CHRNA7: variants seen among roughly 807,000 people sequenced by gnomAD.
CHRNA7 encodes the protein neuronal acetylcholine receptor subunit alpha-7.
In CHRNA7, 17 loss-of-function variants were observed where a neutral mutation model predicts 48.0. The observed-to-expected ratio is 0.35, with a 90% confidence interval of 0.24 to 0.53. The LOEUF (loss-of-function observed/expected upper bound fraction) is 0.53. CHRNA7 is among the 20% of genes least tolerant of loss of function. CHRNA7 has a pLI of 0.92. For missense variants in CHRNA7, 155 were observed against 577.7 expected, an observed-to-expected ratio of 0.27 and a Z score of 7.50; for synonymous variants, 75 against 242.3, an observed-to-expected ratio of 0.31 and a Z score of 6.41.
chr15:32,080,032 C>A (rs1214831033), intron 2 of CHRNA7, among the ~76,000 whole-genome samples: 1 of 152,078 alleles, frequency 6.6e-6, no homozygotes, highest in African/African-American at 2.4e-5. Flanking sequence ...ACATACCTGA[C>A]AAAAACAAGC....
At position 32,066,336 on chromosome 15, in the gene CHRNA7, C is replaced by T. The variant is rs1036977723; in HGVS notation, c.196-34967C>T. On this transcript the variant is annotated intron_variant, in intron 2 of 9. Transcript: ENST00000306901. ...TCACTCTGTCGCCCAGGCTGGAGTG[C>T]GGTGGCGCGATGTCCACTCACTGCA... Among the ~76,000 whole-genome samples the T allele has an allele frequency of 9.3e-5, 14 of 150,650 alleles. No individual in the cohort carries two copies. In the East Asian group the frequency reaches 1.4e-3, roughly 15 times the overall value.
rs570180270 is a variant in CHRNA7, at chr15:32,112,035, G to A, written c.350+136G>A. ...GCCACTGCTCCCTACACGGCTTTCCGAGCGGCCAGGCCTTTGAGAAGCAGC... is the reference window on the plus strand; with the variant it reads ...GCCACTGCTCCCTACACGGCTTTCCAAGCGGCCAGGCCTTTGAGAAGCAGC... On this transcript the variant is annotated intron_variant, in intron 4 of 9. Transcript: ENST00000306901. The A allele has an allele frequency of 2.6e-4, 179 of 677,230 alleles. No homozygotes were observed. In the African/African-American group the frequency reaches 2.9e-3, roughly 11 times the overall value. 42.0% of individuals were successfully genotyped at this position (677,230 alleles called of 1,614,324 possible).
rs552331657 is a variant in CHRNA7 at position 32,059,513 on chromosome 15, T to G, written c.195+28476T>G. Among the ~76,000 whole-genome samples the G allele has an allele frequency of 3.3e-5, 5 of 152,238 alleles. No homozygotes were observed. The South Asian group carries it at 1.0e-3, about 32-fold the overall frequency. The stretch of plus-strand genomic sequence containing the variant: ...GTGATCCTTAATCATTTCTTCTATT[T>G]CCTGGCAGAAAATAAAATAAGGTGT... On this transcript the variant is annotated intron_variant, in intron 2 of 9. Coordinates refer to ENST00000306901, the MANE Select transcript of CHRNA7 (RefSeq NM_000746.6).
At chr15:32,096,913 C>T (rs1451773700) in intron 2 of CHRNA7, among the ~76,000 whole-genome samples, 2 of 152,192 alleles carry the variant, frequency 1.3e-5, no homozygotes, top group Non-Finnish European at 2.9e-5. Flanking sequence ...CTTGCCACAC[C>T]GGCCTTCTGG....
At chr15:32,072,534 A>G (rs1384178366) in intron 2 of CHRNA7, among the ~76,000 whole-genome samples, 1 of 152,246 alleles carries the variant, frequency 6.6e-6, no homozygotes, top group African/African-American at 2.4e-5. Flanking sequence ...ACTAATAGCC[A>G]AGACAATGGG....
intron 2 of CHRNA7, among the ~76,000 whole-genome samples, chr15:32,080,046 G>A (rs1235613885): frequency 6.6e-6 from 1 of 152,104 alleles, no homozygotes; most frequent in East Asian, 1.9e-4. Context: ...AACAAGCAAT[G>A]GGGAAAGGAT....
chr15:32,041,641 G>T (rs2049450198), intron 2 of CHRNA7, among the ~76,000 whole-genome samples: 1 of 152,260 alleles, frequency 6.6e-6, no homozygotes, highest in East Asian at 1.9e-4. Context: ...TCACACATAT[G>T]TTACACCATT....
chr15:32,159,320 G>A (rs943623122), intron 7 of CHRNA7: 16 of 430,264 alleles, frequency 3.7e-5, no homozygotes, highest in Middle Eastern at 6.9e-4. Flanking sequence ...TTTTCAGTTT[G>A]TGTTGATGCT....
intron 4 of CHRNA7, among the ~76,000 whole-genome samples, chr15:32,133,692 C>A (rs2141321893): frequency 6.6e-6 from 1 of 152,312 alleles, no homozygotes; most frequent in African/African-American, 2.4e-5. Flanking sequence ...TGGGAATTCA[C>A]AACAGATGAG....
At chr15:32,147,059 A>G (rs2051503665) in intron 4 of CHRNA7, among the ~76,000 whole-genome samples, 1 of 152,230 alleles carries the variant, frequency 6.6e-6, no homozygotes, top group Non-Finnish European at 1.5e-5. Context: ...CTGCTGTGTT[A>G]ATCTTCTCCC....
chr15:32,142,283 A>G (rs915896917), intron 4 of CHRNA7, among the ~76,000 whole-genome samples: 2 of 152,068 alleles, frequency 1.3e-5, no homozygotes, highest in Admixed American at 1.3e-4. Flanking sequence ...CTTGATCATG[A>G]TGGATAAGCT....
chr15:32,097,128 G>A (rs1302061560), intron 2 of CHRNA7, among the ~76,000 whole-genome samples: 2 of 152,120 alleles, frequency 1.3e-5, no homozygotes, highest in South Asian at 2.1e-4. Flanking sequence ...TCCCTGTTTC[G>A]GAGGAGAGAA....
At chr15:32,127,725 T>A (rs774790675) in intron 4 of CHRNA7, among the ~76,000 whole-genome samples, 1 of 152,122 alleles carries the variant, frequency 6.6e-6, no homozygotes, top group Non-Finnish European at 1.5e-5. Flanking sequence ...TTGTCAGATA[T>A]GTGTTTTGAA....
At chr15:32,091,541 T>G (rs1013732724) in intron 2 of CHRNA7, among the ~76,000 whole-genome samples, 1 of 152,190 alleles carries the variant, frequency 6.6e-6, no homozygotes, top group African/African-American at 2.4e-5. Context: ...GGAAATAGAG[T>G]GTACCCTGAC....
chr15:32,060,983 T>C (rs544191348), intron 2 of CHRNA7, among the ~76,000 whole-genome samples: 1 of 152,274 alleles, frequency 6.6e-6, no homozygotes, highest in African/African-American at 2.4e-5. Context: ...CCGAGGAGCA[T>C]TGTGGGCCAG....
At chr15:32,122,703 A>G (rs1350237147) in intron 4 of CHRNA7, among the ~76,000 whole-genome samples, 4 of 152,048 alleles carry the variant, frequency 2.6e-5, no homozygotes, top group Admixed American at 1.3e-4. Flanking sequence ...TTCTAACAGC[A>G]CTTATTGAGC....
chr15:32,054,240 T>C (rs2049743879), intron 2 of CHRNA7, among the ~76,000 whole-genome samples: 1 of 152,076 alleles, frequency 6.6e-6, no homozygotes, highest in South Asian at 2.1e-4. Flanking sequence ...TTAAGCAAAT[T>C]AGGGTAAGGC....
chr15:32,126,250 G>A (rs2051064681), intron 4 of CHRNA7, among the ~76,000 whole-genome samples: 1 of 152,130 alleles, frequency 6.6e-6, no homozygotes, highest in Non-Finnish European at 1.5e-5. Context: ...ACTTCCAGAT[G>A]GTGCCTCTAA....
intron 2 of CHRNA7, 125 bp downstream of exon 2, chr15:32,031,162 C>T (rs1019897922): frequency 4.5e-6 from 5 of 1,119,880 alleles, no homozygotes; most frequent in Non-Finnish European, 6.4e-6. Context: ...CCAAGCTAGG[C>T]AGGGCCATGC....
Sources: gnomAD v4.1 joint callset for allele counts (sites outside exome capture counted in the v4.1 genomes callset) on GRCh38, gnomAD v4.1.1 for gene constraint, MANE v1.5 for transcripts, NCBI Gene and HGNC (gene_info 2026-07-23, HGNC 2026-07-21) for gene names.